The following SETBP1 variants were observed in gnomAD, a reference collection of about 807,000 sequenced individuals.
SETBP1 encodes the protein SET binding protein 1, also known as SET-binding protein.
In SETBP1, 9 loss-of-function variants were observed where a neutral mutation model predicts 101.0. That is an observed-to-expected ratio of 0.09 (90% confidence interval 0.05 to 0.16). The LOEUF is 0.16. Ranked by LOEUF, SETBP1 falls within the 10% of genes least tolerant of loss-of-function variation. SETBP1 has a pLI of 1.00. For synonymous variants in SETBP1, 818 were observed against 788.5 expected, an observed-to-expected ratio of 1.04 and a Z score of -0.63; for missense variants, 1,858 against 2,033.8, an observed-to-expected ratio of 0.91 and a Z score of 1.66.
intron 2 of SETBP1, chr18:44,733,252 G>T (rs540420989): frequency 6.6e-6 from 1 of 152,164 alleles, no homozygotes; most frequent in Non-Finnish European, 1.5e-5. Context: ...TGGCCAAGCT[G>T]AATCTCTGGT....
At chr18:44,792,871 A>T (rs1457123417) in intron 2 of SETBP1, among the ~76,000 whole-genome samples, 1 of 152,152 alleles carries the variant, frequency 6.6e-6, no homozygotes, top group African/African-American at 2.4e-5. Flanking sequence ...AAAAAAAAAA[A>T]AGTTTATCCC....
intron 3 of SETBP1, among the ~76,000 whole-genome samples, chr18:44,911,217 C>T (rs1476411432): frequency 6.6e-6 from 1 of 152,160 alleles, no homozygotes; most frequent in African/African-American, 2.4e-5. Context: ...GTATCTTTAG[C>T]TCTTTGAGGC....
chr18:45,015,170 G>T (rs1256555738), intron 4 of SETBP1, among the ~76,000 whole-genome samples: 1 of 152,200 alleles, frequency 6.6e-6, no homozygotes, highest in Admixed American at 6.5e-5. Flanking sequence ...AGCAGAAGAG[G>T]GGGAGCCTCA....
chr18:44,727,489 G>C (rs1330475663), intron 2 of SETBP1, among the ~76,000 whole-genome samples: 1 of 152,088 alleles, frequency 6.6e-6, no homozygotes, highest in Non-Finnish European at 1.5e-5. Flanking sequence ...TTTCAGTGTG[G>C]GGGGATGGAC....
Position 44,995,298 on chromosome 18 carries a change from T to C in SETBP1, c.4000+41958T>C, listed in dbSNP as rs1036345894. Among the ~76,000 whole-genome samples the C allele has an allele frequency of 7.8e-4, 119 of 152,016 alleles. 1 individual carries two copies. Among genetic ancestry groups the C allele is most frequent in the Admixed American group, 3.9e-4 (6 of 15,260 alleles). On this transcript the variant is annotated intron_variant, in intron 4 of 5. Coordinates refer to ENST00000649279, the MANE Select transcript of SETBP1 (RefSeq NM_015559.3). ...CTGGGACTACAGGCACCTGCCACCA[T>C]GCCCGACTAATTTTTTGTATTTTTA... is the stretch of plus-strand genomic sequence containing the variant.
At chr18:44,850,221 T>C (rs1427545201) in intron 2 of SETBP1, among the ~76,000 whole-genome samples, 2 of 152,152 alleles carry the variant, frequency 1.3e-5, no homozygotes, top group African/African-American at 4.8e-5. Flanking sequence ...TCTTTAAAAA[T>C]GCATACAACT....
chr18:44,821,895 G>C (rs1269662028), intron 2 of SETBP1, among the ~76,000 whole-genome samples: 1 of 152,240 alleles, frequency 6.6e-6, no homozygotes, highest in Non-Finnish European at 1.5e-5. Context: ...AACGCCTGCT[G>C]TCAAGAGCTG....
At chr18:44,904,732 C>T (rs758721336) in intron 3 of SETBP1, among the ~76,000 whole-genome samples, 12 of 152,122 alleles carry the variant, frequency 7.9e-5, no homozygotes, top group Non-Finnish European at 1.6e-4. Flanking sequence ...CAATACTTCT[C>T]CATGCAGTGA....
chr18:44,886,078 G>A (rs1389757027), intron 3 of SETBP1, among the ~76,000 whole-genome samples: 1 of 151,926 alleles, frequency 6.6e-6, no homozygotes, highest in Non-Finnish European at 1.5e-5. Context: ...CTCATGCACG[G>A]GAAAATTAGA....
chr18:44,940,155 G>A (rs546691654), intron 3 of SETBP1, among the ~76,000 whole-genome samples: 9 of 151,956 alleles, frequency 5.9e-5, no homozygotes, highest in Non-Finnish European at 1.0e-4. Context: ...CTTTTTACTC[G>A]GAAGCCTATT....
chr18:44,819,896 C>CTTTGCTGCTGGTT (rs2072070757), intron 2 of SETBP1, among the ~76,000 whole-genome samples: 1 of 152,156 alleles, frequency 6.6e-6, no homozygotes, highest in Non-Finnish European at 1.5e-5. Flanking sequence ...ATCTCCAAAC[C>CTTTGCTGCTGGTT]AGCAGCAAAA....
chr18:44,803,708 C>T (rs1467549197), intron 2 of SETBP1, among the ~76,000 whole-genome samples: 1 of 152,092 alleles, frequency 6.6e-6, no homozygotes, highest in African/African-American at 2.4e-5. Context: ...GTATTCTTTT[C>T]TCTTCACCTC....
chr18:44,776,269 C>T (rs1239159888), intron 2 of SETBP1, among the ~76,000 whole-genome samples: 4 of 152,200 alleles, frequency 2.6e-5, no homozygotes, highest in South Asian at 2.1e-4. Context: ...ACCCCTAGGG[C>T]TCATATTTTA....
chr18:44,741,129 C>T (rs2070087804), intron 2 of SETBP1, among the ~76,000 whole-genome samples: 1 of 152,226 alleles, frequency 6.6e-6, no homozygotes, highest in Non-Finnish European at 1.5e-5. Context: ...TTCATTCATT[C>T]AGTGAATATT....
intron 3 of SETBP1, among the ~76,000 whole-genome samples, chr18:44,930,322 G>A (rs1285448271): frequency 1.3e-5 from 2 of 152,140 alleles, no homozygotes; most frequent in African/African-American, 4.8e-5. Flanking sequence ...TTGATGTGCT[G>A]CTGGATTCGG....
rs145367492 is a variant in SETBP1, at chr18:45,036,083, C to T, written c.4001-2402C>T. Among the ~76,000 whole-genome samples, 10 of 152,266 alleles carry T rather than the reference C, an allele frequency of 6.6e-5. No individual in the cohort carries two copies. The East Asian group carries it at 1.2e-3, about 18-fold the overall frequency. ...GTGCCGTGGCTTATGCCTGTAATCT[C>T]AACACTTTTGGAGGCCGAGGTGGGC... On this transcript the variant is annotated intron_variant, in intron 4 of 5. Coordinates refer to ENST00000649279, the MANE Select transcript of SETBP1 (RefSeq NM_015559.3).
chr18:45,055,927 A>C (rs1208857977), intron 5 of SETBP1, among the ~76,000 whole-genome samples: 1 of 152,212 alleles, frequency 6.6e-6, no homozygotes, highest in Non-Finnish European at 1.5e-5. Context: ...ATTTGCAATA[A>C]ATTTCTAAAA....
intron 5 of SETBP1, among the ~76,000 whole-genome samples, chr18:45,042,146 CTTTTTTT>C (rs556269689): frequency 2.4e-5 from 2 of 82,688 alleles, no homozygotes; most frequent in Admixed American, 1.5e-4. Context: ...CTTGAAACTG[CTTTTTTT>C]TTTTTTTTTT....
chr18:44,737,682 T>A (rs1212944293), intron 2 of SETBP1, among the ~76,000 whole-genome samples: 1 of 152,142 alleles, frequency 6.6e-6, no homozygotes, highest in African/African-American at 2.4e-5. Context: ...AATCTCAGAG[T>A]TTAAAGCTAG....
Sources: gnomAD v4.1 joint callset for allele counts (sites outside exome capture counted in the v4.1 genomes callset) on GRCh38, gnomAD v4.1.1 for gene constraint, MANE v1.5 for transcripts, NCBI Gene and HGNC (gene_info 2026-07-23, HGNC 2026-07-21) for gene names.